The following PTGFRN variants were observed in gnomAD, a reference collection of about 807,000 sequenced individuals.
PTGFRN encodes prostaglandin F2 receptor inhibitor.
Under a neutral mutation model 83.2 loss-of-function variants are expected in PTGFRN, and 35 were observed. That is an observed-to-expected ratio of 0.42 (90% CI 0.32 to 0.56). The LOEUF (loss-of-function observed/expected upper bound fraction) is 0.56, where lower values mean the gene tolerates loss of function less well. Among genes scored for constraint, PTGFRN ranks in the 20% least tolerant of loss-of-function variants. The pLI is 0.11. For synonymous variants in PTGFRN, 519 were observed against 498.6 expected, an observed-to-expected ratio of 1.04 and a Z score of -0.55; for missense variants, 1,051 against 1,179.5, an observed-to-expected ratio of 0.89 and a Z score of 1.60.
chr1:116,945,944 C>G (rs1650191859), intron 3 of PTGFRN, among the ~76,000 whole-genome samples: 1 of 152,036 alleles, frequency 6.6e-6, no homozygotes, highest in African/African-American at 2.4e-5. Context: ...AGGCTTGTTC[C>G]CAGGCCCTGT....
In PTGFRN at chr1:116,968,815, G is replaced by A. The variant is rs1421436497; in HGVS notation, c.2059+1485G>A. On this transcript the variant is annotated intron_variant, in intron 6 of 8. Coordinates refer to ENST00000393203, the MANE Select transcript of PTGFRN (RefSeq NM_020440.4). ...TGAATCATATTATATGTGGACTTTT[G>A]TGACTTGCTTTTTTTCACTTAGCAT... is the stretch of plus-strand genomic sequence containing the variant. Among the ~76,000 whole-genome samples the A allele has an allele frequency of 2.0e-5, 3 of 152,002 alleles. No individual in the cohort carries two copies. The East Asian group carries it at 5.8e-4, about 29-fold the overall frequency.
intron 4 of PTGFRN, among the ~76,000 whole-genome samples, chr1:116,951,654 A>G (rs968835768): frequency 6.6e-6 from 1 of 152,104 alleles, no homozygotes; most frequent in Non-Finnish European, 1.5e-5. Context: ...ATGAAAAACA[A>G]TTGCATTCTT....
intron 1 of PTGFRN, among the ~76,000 whole-genome samples, chr1:116,915,912 C>G (rs1057354439): frequency 6.6e-6 from 1 of 152,192 alleles, no homozygotes; most frequent in Non-Finnish European, 1.5e-5. Context: ...AATTTATCTT[C>G]TGGAAAAGGT....
At chr1:116,951,245 G>A (rs1038905495) in intron 4 of PTGFRN, among the ~76,000 whole-genome samples, 1 of 152,264 alleles carries the variant, frequency 6.6e-6, no homozygotes, top group Admixed American at 6.5e-5. Flanking sequence ...AGCTCTAGGA[G>A]GAATGGGCTC....
intron 7 of PTGFRN, among the ~76,000 whole-genome samples, chr1:116,979,302 A>G (rs1181083275): frequency 6.6e-6 from 1 of 152,212 alleles, no homozygotes; most frequent in Non-Finnish European, 1.5e-5. Context: ...TGCCCAAGGT[A>G]ATTTATAGAT....
At chr1:116,942,418 G>A (rs992008418) in intron 2 of PTGFRN, among the ~76,000 whole-genome samples, 1 of 152,134 alleles carries the variant, frequency 6.6e-6, no homozygotes, top group Non-Finnish European at 1.5e-5. Flanking sequence ...TGGTCCAGTT[G>A]CTGGCTCTAC....
At position 116,961,259 on chromosome 1, in the gene PTGFRN, G is replaced by A. The variant is rs758059581; in HGVS notation, c.1230G>A (p.Val410=). The change falls in exon 5 of 9, where the codon GTG becomes GTA. Residue 410 remains valine (V), a synonymous_variant. Coordinates refer to ENST00000393203, the MANE Select transcript of PTGFRN (RefSeq NM_020440.4). This position sits in a 1 kb window ranked among gnomAD's most constrained non-coding sequence, Gnocchi z 5.4. ...CTCGTTCAGAACCAGACTACCAGGT[G>A]TACCTGAATGCTTCCAAGGTCCCCG... ...GVTWLEPDYQ[V]YLNASKVPGF... 1.3e-6 allele frequency: 2 copies of A among 1,516,218 alleles called. No homozygotes were observed. The highest frequency in any genetic ancestry group is 2.3e-5 in the East Asian group (1 of 44,012). 93.9% of individuals were successfully genotyped at this position (1,516,218 alleles called of 1,614,324 possible).
Position 116,909,953 on chromosome 1 carries a change from C to G in PTGFRN, c.-251C>G, listed in dbSNP as rs1401605340. The G allele has an allele frequency of 1.8e-6, 1 of 559,762 alleles. No homozygotes were observed. Among genetic ancestry groups the G allele is most frequent in the African/African-American group, 2.0e-5 (1 of 49,844 alleles). 34.7% of individuals were successfully genotyped at this position (559,762 alleles called of 1,614,324 possible). Reference sequence around the variant, plus strand: ...CGGGAAGCGGTCGGGGCTGCACACTCGGATCGGCGGGGCCGGCTCCCGGGC... The same window carrying G: ...CGGGAAGCGGTCGGGGCTGCACACTGGGATCGGCGGGGCCGGCTCCCGGGC... On this transcript the variant is annotated 5_prime_UTR_variant, in exon 1 of 9. Coordinates refer to ENST00000393203, the MANE Select transcript of PTGFRN (RefSeq NM_020440.4).
At position 116,910,047 on chromosome 1, in the gene PTGFRN, C is replaced by T; in HGVS notation, c.-157C>T. 3.6e-6 allele frequency: 3 copies of T among 826,168 alleles called. No individual in the cohort carries two copies. Among genetic ancestry groups the T allele is most frequent in the Non-Finnish European group, 2.0e-6 (1 of 511,026 alleles). 51.2% of individuals were successfully genotyped at this position (826,168 alleles called of 1,614,324 possible). On this transcript the variant is annotated 5_prime_UTR_variant, in exon 1 of 9. Coordinates refer to ENST00000393203, the MANE Select transcript of PTGFRN (RefSeq NM_020440.4). ...GCGGAGCCAGGGGCGCACGTACGCCCCAGCGCTGGGATTTATCGGCTCGCG... is the reference window on the plus strand; with the variant it reads ...GCGGAGCCAGGGGCGCACGTACGCCTCAGCGCTGGGATTTATCGGCTCGCG...
chr1:116,922,624 C>G (rs755188318), intron 1 of PTGFRN, among the ~76,000 whole-genome samples: 1 of 152,292 alleles, frequency 6.6e-6, no homozygotes, highest in South Asian at 2.1e-4. Flanking sequence ...CATTCCAGCA[C>G]CGAGTTAGCT....
chr1:116,924,301 C>A (rs1028825373), intron 1 of PTGFRN, among the ~76,000 whole-genome samples: 1 of 140,996 alleles, frequency 7.1e-6, no homozygotes, highest in African/African-American at 3.2e-5. Flanking sequence ...CGCCTGCCAC[C>A]ACACCCGGCT....
At chr1:116,935,209 C>T (rs181475387) in intron 1 of PTGFRN, among the ~76,000 whole-genome samples, 1 of 152,268 alleles carries the variant, frequency 6.6e-6, no homozygotes, top group Admixed American at 6.5e-5. Flanking sequence ...TAGGATCTTG[C>T]TCCTCAAACT....
intron 8 of PTGFRN, 38 bp downstream of exon 8, chr1:116,985,023 GTCT>G (rs3841438): frequency 0.3 from 480,349 of 1,580,406 alleles, 75,970 homozygotes; most frequent in African/African-American, 0.48. Flanking sequence ...GTTTGGGAAT[GTCT>G]TCTTCTTGTG....
At chr1:116,914,753 C>CA (rs370405921) in intron 1 of PTGFRN, among the ~76,000 whole-genome samples, 162 of 129,362 alleles carry the variant, frequency 1.3e-3, no homozygotes, top group Admixed American at 1.6e-3. Flanking sequence ...GACCCTGTCT[C>CA]AAAAAAAAAA....
chr1:116,981,485 G>A (rs1467501406), intron 7 of PTGFRN, among the ~76,000 whole-genome samples: 1 of 152,232 alleles, frequency 6.6e-6, no homozygotes, highest in Non-Finnish European at 1.5e-5. Context: ...GAAGGGGCAA[G>A]CTCTAAGCAA....
At chr1:116,977,597 T>A (rs1651193109) in intron 7 of PTGFRN, among the ~76,000 whole-genome samples, 1 of 152,156 alleles carries the variant, frequency 6.6e-6, no homozygotes, top group Non-Finnish European at 1.5e-5. Context: ...ACATGGAAAC[T>A]GAACAACCTG....
At chr1:116,948,627 C>G (rs1470271436) in intron 3 of PTGFRN, among the ~76,000 whole-genome samples, 1 of 152,186 alleles carries the variant, frequency 6.6e-6, no homozygotes, top group Non-Finnish European at 1.5e-5. Context: ...TATTGCCTAG[C>G]CCCCAGCTAA....
chr1:116,973,581 C>G (rs7518692), intron 6 of PTGFRN, among the ~76,000 whole-genome samples: 17,822 of 140,676 alleles, frequency 0.13, 1,569 homozygotes, highest in African/African-American at 0.26. Context: ...CTCCAGCCTG[C>G]GTGACAGAGC....
intron 7 of PTGFRN, among the ~76,000 whole-genome samples, chr1:116,979,068 C>A (rs1651237292): frequency 6.6e-6 from 1 of 152,092 alleles, no homozygotes; most frequent in African/African-American, 2.4e-5. Context: ...CATTCTTACA[C>A]ACCAATAACA....
Sources: gnomAD v4.1 joint callset for allele counts (sites outside exome capture counted in the v4.1 genomes callset) on GRCh38, gnomAD v4.1.1 for gene constraint, Gnocchi (gnomAD v3.1) non-coding constraint, MANE v1.5 for transcripts, NCBI Gene and HGNC (gene_info 2026-07-23, HGNC 2026-07-21) for gene names.